Variants in CRYZL1 observed in about 807,000 individuals in gnomAD.
The protein encoded by CRYZL1 is crystallin zeta like 1, also known as ferry endosomal RAB5 effector complex subunit 4.
Under a neutral mutation model 50.6 loss-of-function variants are expected in CRYZL1, and 34 were observed. That is an observed-to-expected ratio of 0.67 (90% CI 0.51 to 0.89). The LOEUF is 0.89. Among genes scored for constraint, CRYZL1 ranks in the 40% least tolerant of loss-of-function variants. The probability of loss-of-function intolerance (pLI) is 0.00; values close to 1 mark genes in which losing one functional copy is unlikely to be tolerated. For missense variants in CRYZL1, 354 were observed against 402.3 expected (o/e 0.88, Z 1.03); for synonymous variants, 125 against 134.3 (o/e 0.93, Z 0.48).
intron 2 of CRYZL1, among the ~76,000 whole-genome samples, chr21:33,630,095 G>A (rs550698375): frequency 1.3e-5 from 2 of 152,100 alleles, no homozygotes; most frequent in African/African-American, 4.8e-5. Context: ...CTCGATCATG[G>A]CCGTCAGGGA....
At chr21:33,634,615 AC>A (rs762736838) in intron 1 of CRYZL1, among the ~76,000 whole-genome samples, 21 of 151,388 alleles carry the variant, frequency 1.4e-4, no homozygotes, top group Admixed American at 9.9e-4. Context: ...AAAAAAAAAA[AC>A]AACTCTGTTC....
chr21:33,636,781 T>C (rs2087211365), intron 1 of CRYZL1, among the ~76,000 whole-genome samples: 1 of 152,220 alleles, frequency 6.6e-6, no homozygotes, highest in Non-Finnish European at 1.5e-5. Flanking sequence ...CTTGCTCCTC[T>C]GTTACACTCA....
intron 4 of CRYZL1, 110 bp downstream of exon 4, chr21:33,621,880 ATTAAAT>A (rs2087006626): frequency 1.6e-6 from 1 of 627,626 alleles, no homozygotes; most frequent in African/African-American, 1.9e-5. Context: ...TGTTCATATA[ATTAAAT>A]TTAAATTTGA....
intron 11 of CRYZL1, chr21:33,594,610 T>C (rs554766914): frequency 1.3e-5 from 2 of 151,610 alleles, no homozygotes; most frequent in Non-Finnish European, 2.9e-5. Flanking sequence ...CCTTAAAACT[T>C]AACACATGCA....
At chr21:33,634,904 T>TAA (rs35812082) in intron 1 of CRYZL1, among the ~76,000 whole-genome samples, 4 of 135,370 alleles carry the variant, frequency 3.0e-5, no homozygotes, top group Admixed American at 7.3e-5. Context: ...TATATATATA[T>TAA]AAAATAATGG....
rs776011182 is a variant in CRYZL1, at chr21:33,589,803, G to C, written c.*19C>G. The C allele has an allele frequency of 6.2e-6, 9 of 1,452,302 alleles. No homozygotes were observed. The highest frequency in any genetic ancestry group is 1.1e-5 in the South Asian group (1 of 86,988). 90.0% of individuals were successfully genotyped at this position (1,452,302 alleles called of 1,614,324 possible). A position where few individuals can be genotyped will look rare whatever the true frequency, so the allele number is the denominator to read the frequency against. ...TACTGGAATATGTTCATCCGACTGA[G>C]GTCTGAGAAAGAAGAAAATTAAAAT... On this transcript the variant is annotated 3_prime_UTR_variant, in exon 13 of 13. Coordinates refer to ENST00000381554, the MANE Select transcript of CRYZL1 (RefSeq NM_145858.3).
At chr21:33,594,573 C>T (rs2086675404) in intron 11 of CRYZL1, 1 of 151,588 alleles carries the variant, frequency 6.6e-6, no homozygotes, top group Non-Finnish European at 1.5e-5. Context: ...CATACATTCA[C>T]TACATGAAGG....
intron 6 of CRYZL1, among the ~76,000 whole-genome samples, chr21:33,610,226 C>T (rs1320498227): frequency 2.0e-5 from 3 of 151,936 alleles, no homozygotes; most frequent in Non-Finnish European, 2.9e-5. Flanking sequence ...AGTACAGTGG[C>T]ACAATTTTGG....
intron 3 of CRYZL1, among the ~76,000 whole-genome samples, chr21:33,624,017 A>G (rs1214616958): frequency 1.3e-5 from 2 of 152,090 alleles, no homozygotes; most frequent in Non-Finnish European, 2.9e-5. Flanking sequence ...TTAGGTTTCT[A>G]GTTTCTATTT....
chr21:33,598,681 G>A (rs546665331), intron 9 of CRYZL1, among the ~76,000 whole-genome samples: 1 of 152,252 alleles, frequency 6.6e-6, no homozygotes, highest in African/African-American at 2.4e-5. Context: ...TTCTTGTAGC[G>A]ATATGTCATT....
chr21:33,600,940 T>TTTTTG (rs2086747993), intron 8 of CRYZL1, among the ~76,000 whole-genome samples: 1 of 105,746 alleles, frequency 9.5e-6, no homozygotes, highest in Non-Finnish European at 1.9e-5. Flanking sequence ...AAAGTTTTTT[T>TTTTTG]TTTTTTTTTT....
intron 1 of CRYZL1, among the ~76,000 whole-genome samples, chr21:33,634,419 T>C (rs946253033): frequency 6.6e-6 from 1 of 152,150 alleles, no homozygotes; most frequent in African/African-American, 2.4e-5. Flanking sequence ...TGCTGTAATT[T>C]AGATTCTGCT....
chr21:33,632,178 A>AAAG (rs2087145808), intron 1 of CRYZL1, among the ~76,000 whole-genome samples: 3 of 150,682 alleles, frequency 2.0e-5, no homozygotes, highest in Admixed American at 1.3e-4. Flanking sequence ...AAAAAAAAAA[A>AAAG]AAAATTAGCC....
intron 1 of CRYZL1, among the ~76,000 whole-genome samples, chr21:33,638,305 C>A (rs957445792): frequency 1.3e-5 from 2 of 151,624 alleles, no homozygotes; most frequent in Admixed American, 1.3e-4. Context: ...CTCCGCCTCC[C>A]GGCTTCAAGT....
chr21:33,589,953 C>A, intron 12 of CRYZL1, 32 bp from the exon 13 acceptor site: 1 of 1,318,558 alleles, frequency 7.6e-7, no homozygotes, highest in Non-Finnish European at 1.1e-6. Flanking sequence ...AATGTCAGGT[C>A]TAGTTAAAGA....
chr21:33,627,592 T>C (rs922745060), intron 2 of CRYZL1, among the ~76,000 whole-genome samples: 2 of 152,150 alleles, frequency 1.3e-5, no homozygotes, highest in African/African-American at 4.8e-5. Context: ...AATTCTACTA[T>C]CTATGCTTAA....
intron 4 of CRYZL1, among the ~76,000 whole-genome samples, chr21:33,621,072 A>C (rs1445674343): frequency 6.8e-6 from 1 of 147,584 alleles, no homozygotes; most frequent in Non-Finnish European, 1.5e-5. Flanking sequence ...CGCCCGGCTA[A>C]TTTTTTGTAT....
rs552464964 is a variant in CRYZL1, at chr21:33,634,604, TA to T, written c.-6-3048del. 2.2e-3 allele frequency among the ~76,000 whole-genome samples: 313 copies of T among 140,452 alleles called. 1 individual carries two copies. The highest frequency in any genetic ancestry group is 2.4e-3 in the Non-Finnish European group (156 of 64,210). 92.1% of individuals were successfully genotyped at this position (140,452 alleles called of 152,430 possible). A position where few individuals can be genotyped will look rare whatever the true frequency, so the allele number is the denominator to read the frequency against. On this transcript the variant is annotated intron_variant, in intron 1 of 12. Coordinates refer to ENST00000381554, the MANE Select transcript of CRYZL1 (RefSeq NM_145858.3). The stretch of plus-strand genomic sequence containing the variant: ...GGGAAATATATCCATTATTATTAAA[TA>T]AAAAAAAAAACAACTCTGTTCCTAC...
At chr21:33,613,642 T>C in intron 5 of CRYZL1, 36 bp from the exon 6 acceptor site, 1 of 1,444,624 alleles carries the variant, frequency 6.9e-7, no homozygotes, top group Non-Finnish European at 9.7e-7. Flanking sequence ...GGGATGTAAG[T>C]CAAAAATTCA....
Sources: gnomAD v4.1 joint callset for allele counts (sites outside exome capture counted in the v4.1 genomes callset) on GRCh38, gnomAD v4.1.1 for gene constraint, MANE v1.5 for transcripts, NCBI Gene and HGNC (gene_info 2026-07-23, HGNC 2026-07-21) for gene names.